Variants in SDK2 observed in about 807,000 individuals in gnomAD.
The protein encoded by SDK2 is protein sidekick-2.
Under a neutral mutation model 253.9 loss-of-function variants are expected in SDK2, and 105 were observed. The observed-to-expected ratio is 0.41, with a 90% CI of 0.35 to 0.49. The LOEUF (loss-of-function observed/expected upper bound fraction) is 0.49, where lower values mean the gene tolerates loss of function less well. Ranked by LOEUF, SDK2 falls within the 20% of genes least tolerant of loss-of-function variation. The pLI, the probability that SDK2 is intolerant of heterozygous loss-of-function variation, is 0.06. For missense variants in SDK2, 2,608 were observed against 3,003.0 expected (o/e 0.87, Z 3.07); for synonymous variants, 1,249 against 1,234.9 (o/e 1.01, Z -0.24).
Position 73,496,864 on chromosome 17 carries a change from A to G in SDK2, c.224+10574T>C, listed in dbSNP as rs1349454071. 1.3e-5 allele frequency among the ~76,000 whole-genome samples: 2 copies of G among 152,020 alleles called. No homozygotes were observed. The highest frequency in any genetic ancestry group is 2.9e-5 in the Non-Finnish European group (2 of 68,012). On this transcript the variant is annotated intron_variant, in intron 2 of 44. Transcript: ENST00000392650. The surrounding 1 kb of genome is among the most constrained non-coding windows in gnomAD (Gnocchi z 4.7). ...CCCTCCTGAAGGTCACCAGACTTCTATGTCCCTAAATTGAGCTGACGATTT... is the reference window on the plus strand; with the variant it reads ...CCCTCCTGAAGGTCACCAGACTTCTGTGTCCCTAAATTGAGCTGACGATTT...
At chr17:73,501,672 T>G (rs542944676) in intron 2 of SDK2, among the ~76,000 whole-genome samples, 3 of 152,280 alleles carry the variant, frequency 2.0e-5, no homozygotes, top group Non-Finnish European at 2.9e-5. Context: ...AGGTGGCCAC[T>G]CAGAGGAGAC....
chr17:73,580,388 C>T (rs1170447007), intron 1 of SDK2, among the ~76,000 whole-genome samples: 1 of 152,250 alleles, frequency 6.6e-6, no homozygotes, highest in Admixed American at 6.5e-5. Flanking sequence ...GGTGTTAGCA[C>T]CCCTTTCCAT....
chr17:73,359,652 A>T (rs1415108331), intron 39 of SDK2, among the ~76,000 whole-genome samples: 1 of 151,872 alleles, frequency 6.6e-6, no homozygotes, highest in East Asian at 1.9e-4. Flanking sequence ...TGGCTTCTTT[A>T]TTTCTTTTTT....
chr17:73,385,638 G>T (rs1188913485), intron 32 of SDK2, among the ~76,000 whole-genome samples: 2 of 152,208 alleles, frequency 1.3e-5, no homozygotes, highest in Admixed American at 1.3e-4. Context: ...GTGTAATGAG[G>T]CGTGTTATGG....
chr17:73,420,334 C>A (rs376861129), intron 15 of SDK2, among the ~76,000 whole-genome samples: 1 of 152,210 alleles, frequency 6.6e-6, no homozygotes, highest in Non-Finnish European at 1.5e-5. Context: ...GCATGCTGCT[C>A]GCTCCCGTGT....
In SDK2 at chr17:73,390,332, A is replaced by T. The variant is rs781575210; in HGVS notation, c.4147T>A (p.Trp1383Arg). The change falls in exon 29 of 45, where the codon TGG becomes AGG. Residue 1383 changes from tryptophan to arginine, a missense_variant. Coordinates refer to ENST00000392650, the MANE Select transcript of SDK2 (RefSeq NM_001144952.2). Reference sequence around the variant, plus strand: ...ACCAAGGCCTCGGCAGCTTCTCCCCAGCCCTTGCGGGTCTGGGCCGTGATG... The same window carrying T: ...ACCAAGGCCTCGGCAGCTTCTCCCCTGCCCTTGCGGGTCTGGGCCGTGATG... ...FRITAQTRKGWGEAAEALVVT... is the reference protein window; with the variant it reads ...FRITAQTRKGRGEAAEALVVT... The T allele has an allele frequency of 6.2e-7, 1 of 1,606,040 alleles. No homozygotes were observed. The highest frequency in any genetic ancestry group is 8.5e-7 in the Non-Finnish European group (1 of 1,177,866).
intron 1 of SDK2, among the ~76,000 whole-genome samples, chr17:73,611,770 G>A (rs1411381346): frequency 1.3e-5 from 2 of 152,334 alleles, no homozygotes; most frequent in East Asian, 1.9e-4. Flanking sequence ...TGGGACCCAC[G>A]TCCTTGCCAG....
chr17:73,389,844 G>T (rs2062912049), intron 29 of SDK2, among the ~76,000 whole-genome samples: 1 of 152,208 alleles, frequency 6.6e-6, no homozygotes, highest in Admixed American at 6.5e-5. Context: ...CCGTCCCCCA[G>T]GTTCAAGTGA....
At chr17:73,577,378 C>T (rs1450363283) in intron 1 of SDK2, among the ~76,000 whole-genome samples, 1 of 152,190 alleles carries the variant, frequency 6.6e-6, no homozygotes, top group Admixed American at 6.5e-5. Context: ...GCATCCACCC[C>T]ATCACAGGCA....
At chr17:73,416,071 G>C (rs559244330) in intron 16 of SDK2, 79 bp from the exon 17 acceptor site, 1 of 1,356,476 alleles carries the variant, frequency 7.4e-7, no homozygotes, top group South Asian at 1.3e-5. Context: ...CCAGAGCAGC[G>C]CTGTCCAATA....
At chr17:73,484,401 G>C (rs1325960125) in intron 2 of SDK2, among the ~76,000 whole-genome samples, 1 of 152,024 alleles carries the variant, frequency 6.6e-6, no homozygotes, top group Non-Finnish European at 1.5e-5. Flanking sequence ...AGACTCAGTT[G>C]CTTCTCAAAC....
intron 1 of SDK2, among the ~76,000 whole-genome samples, chr17:73,562,556 G>A (rs938467792): frequency 1.3e-5 from 2 of 152,268 alleles, no homozygotes; most frequent in Admixed American, 1.3e-4. Context: ...AAGAGAGAGA[G>A]ACAGGAGAGG....
At chr17:73,339,456 A>G (rs971745532) in intron 44 of SDK2, among the ~76,000 whole-genome samples, 4 of 151,916 alleles carry the variant, frequency 2.6e-5, no homozygotes, top group Non-Finnish European at 5.9e-5. Context: ...TCCTGACCTC[A>G]AGTGATCCAC....
chr17:73,575,802 G>A (rs756517699), intron 1 of SDK2, among the ~76,000 whole-genome samples: 14 of 152,246 alleles, frequency 9.2e-5, no homozygotes, highest in Non-Finnish European at 1.8e-4. Flanking sequence ...CAACGCAGCA[G>A]CGCTAGGGCT....
intron 1 of SDK2, among the ~76,000 whole-genome samples, chr17:73,599,175 G>A (rs2045803073): frequency 6.6e-6 from 1 of 152,228 alleles, no homozygotes; most frequent in South Asian, 2.1e-4. Flanking sequence ...TGTGTCTCTT[G>A]TAGTGCTTAG....
rs1284964113 is a variant in SDK2, at chr17:73,423,986, T to C, written c.1690A>G (p.Ile564Val). The C allele has an allele frequency of 2.5e-6, 4 of 1,610,138 alleles. No individual in the cohort carries two copies. Among genetic ancestry groups the C allele is most frequent in the Non-Finnish European group, 8.5e-7 (1 of 1,178,556 alleles). ...LHISQTWSGD[I>V]GTYTCRVISA... ...ATCACCCGGCAGGTGTACGTGCCGATGTCTCCCGACCACGTCTGTGAGATG... is the reference window on the plus strand; with the variant it reads ...ATCACCCGGCAGGTGTACGTGCCGACGTCTCCCGACCACGTCTGTGAGATG... Residue 564 changes from isoleucine (I) to valine (V), a missense_variant, in exon 13 of 45, where the codon ATC becomes GTC. This residue lies in a region of SDK2 where 1,505 missense variants were observed against 1,859.1 expected (regional missense o/e 0.81). Transcript: ENST00000392650.
chr17:73,357,483 G>C (rs2062601316), intron 40 of SDK2: 1 of 188,310 alleles, frequency 5.3e-6, no homozygotes, highest in Admixed American at 6.4e-5. Flanking sequence ...TAGCAACGCA[G>C]GGAGCTGGCA....
chr17:73,600,369 G>A (rs1402247096), intron 1 of SDK2, among the ~76,000 whole-genome samples: 1 of 152,222 alleles, frequency 6.6e-6, no homozygotes, highest in African/African-American at 2.4e-5. Flanking sequence ...GCTAACAAGG[G>A]CAGTAATTTG....
chr17:73,491,128 C>T (rs1266401942), intron 2 of SDK2, among the ~76,000 whole-genome samples: 3 of 152,172 alleles, frequency 2.0e-5, no homozygotes, highest in African/African-American at 7.2e-5. Context: ...AAGGCATAGT[C>T]GGCAATCTTT....
Sources: gnomAD v4.1 joint callset for allele counts (sites outside exome capture counted in the v4.1 genomes callset) on GRCh38, gnomAD v4.1.1 for gene constraint, gnomAD v4.1.1 regional missense constraint, Gnocchi (gnomAD v3.1) non-coding constraint, MANE v1.5 for transcripts, NCBI Gene and HGNC (gene_info 2026-07-23, HGNC 2026-07-21) for gene names.